ASIC2: variants seen among roughly 807,000 people sequenced by gnomAD.
ASIC2 encodes acid-sensing ion channel 2.
Under a neutral mutation model 57.3 loss-of-function variants are expected in ASIC2, and 25 were observed. The observed-to-expected ratio is 0.44, with a 90% CI of 0.32 to 0.61. ASIC2 has a LOEUF of 0.61. Ranked by LOEUF, ASIC2 falls within the 20% of genes least tolerant of loss-of-function variation. The pLI, the probability that ASIC2 is intolerant of heterozygous loss-of-function variation, is 0.06. For missense variants in ASIC2, 641 were observed against 738.1 expected (o/e 0.87, Z 1.52); for synonymous variants, 319 against 307.5 (o/e 1.04, Z -0.39).
intron 1 of ASIC2, among the ~76,000 whole-genome samples, chr17:33,785,894 A>G (rs1212828286): frequency 1.3e-5 from 2 of 152,204 alleles, no homozygotes; most frequent in African/African-American, 4.8e-5. Flanking sequence ...TCAAACTACC[A>G]CATAGGATCC....
chr17:33,280,868 C>A (rs1025634453), intron 1 of ASIC2, among the ~76,000 whole-genome samples: 1 of 152,134 alleles, frequency 6.6e-6, no homozygotes, highest in Admixed American at 6.6e-5. Flanking sequence ...ACAGTGGATG[C>A]CCGTGCCATT....
At chr17:33,443,205 T>A (rs1217906293) in intron 1 of ASIC2, among the ~76,000 whole-genome samples, 4 of 152,200 alleles carry the variant, frequency 2.6e-5, no homozygotes, top group Non-Finnish European at 4.4e-5. Context: ...AGGATATTGG[T>A]CTGCAGGTTT....
At chr17:33,591,388 TC>T (rs1223759200) in intron 1 of ASIC2, among the ~76,000 whole-genome samples, 1 of 152,234 alleles carries the variant, frequency 6.6e-6, no homozygotes, top group East Asian at 1.9e-4. Context: ...GCTGCATTTC[TC>T]TGCCCCCAGC....
chr17:34,062,754 A>T (rs949028631), intron 1 of ASIC2, among the ~76,000 whole-genome samples: 1 of 152,178 alleles, frequency 6.6e-6, no homozygotes, highest in Admixed American at 6.5e-5. Flanking sequence ...TTACGCACAT[A>T]AACTAGAAAA....
intron 1 of ASIC2, among the ~76,000 whole-genome samples, chr17:34,109,448 G>T (rs1416654170): frequency 6.6e-6 from 1 of 152,084 alleles, no homozygotes; most frequent in Non-Finnish European, 1.5e-5. Flanking sequence ...CAAGACAAAG[G>T]TAAGTGTACA....
intron 1 of ASIC2, among the ~76,000 whole-genome samples, chr17:33,562,749 C>T (rs1916114355): frequency 6.6e-6 from 1 of 152,104 alleles, no homozygotes; most frequent in Non-Finnish European, 1.5e-5. Flanking sequence ...TGAGGCAGCT[C>T]CTGGATAAGA....
chr17:33,851,226 C>G (rs4035204), intron 1 of ASIC2, among the ~76,000 whole-genome samples: 3 of 152,148 alleles, frequency 2.0e-5, no homozygotes, highest in Non-Finnish European at 2.9e-5. Flanking sequence ...GAGAAGCTTT[C>G]TTAGGAGCAG....
At chr17:33,704,956 C>T (rs1476592519) in intron 1 of ASIC2, among the ~76,000 whole-genome samples, 1 of 152,254 alleles carries the variant, frequency 6.6e-6, no homozygotes, top group Non-Finnish European at 1.5e-5. Flanking sequence ...CAAAACCTCT[C>T]TCCAGCCCCT....
In ASIC2 at chr17:33,265,644, A is replaced by T. The variant is rs77262454; in HGVS notation, c.708+25764T>A. On this transcript the variant is annotated intron_variant, in intron 1 of 9. Coordinates refer to ENST00000225823, the MANE Select transcript of ASIC2 (RefSeq NM_183377.2). ...TGTAAGAAACCTGCACGTCCTGCAC[A>T]TGAACCCTGGAATGTAAAATAAAAT... Among the ~76,000 whole-genome samples the T allele has an allele frequency of 1.4e-4, 22 of 152,312 alleles. 1 individual carries two copies. The highest frequency in any genetic ancestry group is 4.3e-4 in the African/African-American group (18 of 41,570).
intron 1 of ASIC2, among the ~76,000 whole-genome samples, chr17:33,233,568 C>G: frequency 6.7e-6 from 1 of 149,560 alleles, no homozygotes; most frequent in South Asian, 2.1e-4. Context: ...ATGGCATAAG[C>G]AGCCATTCAG....
chr17:33,422,017 C>T (rs2141972150), intron 1 of ASIC2, among the ~76,000 whole-genome samples: 1 of 152,312 alleles, frequency 6.6e-6, no homozygotes, highest in South Asian at 2.1e-4. Context: ...ATCTGCTGGG[C>T]AAACTTCTAT....
chr17:34,145,651 T>C (rs1912395846), intron 1 of ASIC2, among the ~76,000 whole-genome samples: 2 of 152,194 alleles, frequency 1.3e-5, no homozygotes, highest in Non-Finnish European at 2.9e-5. Flanking sequence ...GAAAGTCACA[T>C]TCCTCTTCTC....
At chr17:33,187,427 T>C (rs1007462196) in intron 1 of ASIC2, among the ~76,000 whole-genome samples, 7 of 152,170 alleles carry the variant, frequency 4.6e-5, no homozygotes, top group African/African-American at 4.8e-5. Context: ...TCCCGAAGCA[T>C]GGATTTTTAC....
intron 1 of ASIC2, among the ~76,000 whole-genome samples, chr17:33,488,361 C>T (rs7503025): frequency 2.6e-5 from 4 of 152,300 alleles, no homozygotes; most frequent in Non-Finnish European, 4.4e-5. Flanking sequence ...CTCTGCTGGC[C>T]GACCAACATT....
At chr17:33,811,744 G>A (rs1466573188) in intron 1 of ASIC2, among the ~76,000 whole-genome samples, 4 of 152,200 alleles carry the variant, frequency 2.6e-5, no homozygotes, top group African/African-American at 9.7e-5. Context: ...GAGGCTGGCA[G>A]AGGGGCAGCA....
At chr17:33,200,852 T>C (rs1469868533) in intron 1 of ASIC2, among the ~76,000 whole-genome samples, 1 of 152,120 alleles carries the variant, frequency 6.6e-6, no homozygotes, top group Non-Finnish European at 1.5e-5. Context: ...CTAGATTCCT[T>C]ACCACTGTGA....
chr17:33,095,000 C>G (rs2092172552), intron 2 of ASIC2, among the ~76,000 whole-genome samples: 1 of 152,116 alleles, frequency 6.6e-6, no homozygotes, highest in African/African-American at 2.4e-5. Flanking sequence ...TCTCTTGGAG[C>G]CTAATTTTTC....
At chr17:33,981,584 C>T (rs1435949770) in intron 1 of ASIC2, among the ~76,000 whole-genome samples, 1 of 151,372 alleles carries the variant, frequency 6.6e-6, no homozygotes, top group African/African-American at 2.4e-5. Flanking sequence ...TATGTTCTTT[C>T]CTCTCTTGCA....
At chr17:33,926,962 T>G (rs1180959978) in intron 1 of ASIC2, among the ~76,000 whole-genome samples, 1 of 152,160 alleles carries the variant, frequency 6.6e-6, no homozygotes, top group Non-Finnish European at 1.5e-5. Flanking sequence ...AGTCTCGCTC[T>G]GTTGCCCAGA....
Sources: allele counts gnomAD v4.1 joint callset (sites outside exome capture counted in the v4.1 genomes callset), GRCh38; gene constraint gnomAD v4.1.1; transcripts MANE v1.5; gene names NCBI Gene and HGNC (gene_info 2026-07-23, HGNC 2026-07-21).